The following TMPRSS15 variants were observed in gnomAD, a reference collection of about 807,000 sequenced individuals.
TMPRSS15 encodes the protein transmembrane serine protease 15.
TMPRSS15 carries 128 observed loss-of-function variants against 125.3 expected under a neutral mutation model. The observed-to-expected ratio is 1.02, with a 90% CI of 0.89 to 1.18. The LOEUF is 1.18. TMPRSS15 is among the 50% of genes most tolerant of loss of function. TMPRSS15 has a pLI of 0.00. For synonymous variants in TMPRSS15, 446 were observed against 423.2 expected (o/e 1.05, Z -0.66); for missense variants, 1,283 against 1,212.7 (o/e 1.06, Z -0.86).
At chr21:18,379,719 T>C (rs2075874941) in intron 4 of TMPRSS15, among the ~76,000 whole-genome samples, 1 of 152,070 alleles carries the variant, frequency 6.6e-6, no homozygotes, top group Non-Finnish European at 1.5e-5. Flanking sequence ...TCAGGAGGAA[T>C]TGCTTTTGAT....
intron 10 of TMPRSS15, among the ~76,000 whole-genome samples, chr21:18,344,658 C>T (rs1411965829): frequency 6.6e-6 from 1 of 152,268 alleles, no homozygotes; most frequent in Non-Finnish European, 1.5e-5. Context: ...CAAAATAGCA[C>T]AAGCCACTGC....
intron 1 of TMPRSS15, among the ~76,000 whole-genome samples, chr21:18,428,210 A>G (rs1269689818): frequency 6.6e-6 from 1 of 152,228 alleles, no homozygotes; most frequent in Non-Finnish European, 1.5e-5. Flanking sequence ...CATAATTTTA[A>G]ATTCAAATTT....
At chr21:18,412,438 G>A (rs993228687) in intron 1 of TMPRSS15, among the ~76,000 whole-genome samples, 1 of 152,106 alleles carries the variant, frequency 6.6e-6, no homozygotes, top group South Asian at 2.1e-4. Flanking sequence ...AATCCAATTA[G>A]GAGATCACCG....
At chr21:18,351,533 T>C (rs1288000334) in intron 10 of TMPRSS15, among the ~76,000 whole-genome samples, 1 of 152,146 alleles carries the variant, frequency 6.6e-6, no homozygotes, top group Non-Finnish European at 1.5e-5. Context: ...TGGTTTTATA[T>C]GTGTTTGACA....
chr21:18,274,216 G>T (rs145743566), intron 24 of TMPRSS15, among the ~76,000 whole-genome samples: 1 of 152,040 alleles, frequency 6.6e-6, no homozygotes, highest in Non-Finnish European at 1.5e-5. Context: ...GTAATTGCTC[G>T]ATGCCTTACA....
intron 16 of TMPRSS15, among the ~76,000 whole-genome samples, chr21:18,326,161 G>A (rs1185926729): frequency 6.6e-6 from 1 of 152,012 alleles, no homozygotes; most frequent in East Asian, 1.9e-4. Flanking sequence ...ATTTAACATG[G>A]CCCTCTTCAA....
chr21:18,358,306 G>A (rs2147018609), intron 8 of TMPRSS15, among the ~76,000 whole-genome samples: 1 of 151,868 alleles, frequency 6.6e-6, no homozygotes, highest in Admixed American at 6.6e-5. Context: ...TACATAATTG[G>A]TTTGGAAGAG....
chr21:18,293,459 T>C (rs1436227984), intron 21 of TMPRSS15, among the ~76,000 whole-genome samples: 1 of 152,066 alleles, frequency 6.6e-6, no homozygotes, highest in Non-Finnish European at 1.5e-5. Context: ...AGGAGATGAG[T>C]CCTAGATCAA....
intron 1 of TMPRSS15, among the ~76,000 whole-genome samples, chr21:18,410,322 G>A (rs1288783004): frequency 1.4e-5 from 2 of 147,522 alleles, no homozygotes; most frequent in Non-Finnish European, 3.0e-5. Context: ...CCACTGGGAT[G>A]CCACTGTGCT....
chr21:18,384,872 C>A (rs2075928622), intron 3 of TMPRSS15, among the ~76,000 whole-genome samples: 1 of 152,260 alleles, frequency 6.6e-6, no homozygotes. Context: ...ATTTATCTCT[C>A]CATCTATCTA....
intron 13 of TMPRSS15, among the ~76,000 whole-genome samples, chr21:18,337,147 G>A (rs950008525): frequency 6.6e-5 from 10 of 152,176 alleles, no homozygotes; most frequent in Admixed American, 1.3e-4. Context: ...GCCCCCCTCA[G>A]CCTCCCAAAG....
chr21:18,383,624 T>A lies in TMPRSS15; in HGVS notation c.496+3A>T. On this transcript the variant is annotated splice_donor_region_variant and intron_variant, in intron 4 of 24. Transcript: ENST00000284885. ...AAAGAAATCAAATAATGTTCACACA[T>A]ACCTAGGATATCAACGCTGTTCAAA... 1.9e-6 allele frequency: 3 copies of A among 1,613,470 alleles called. No homozygotes were observed. The highest frequency in any genetic ancestry group is 2.5e-6 in the Non-Finnish European group (3 of 1,179,828).
chr21:18,401,682 T>C (rs1284004385), intron 1 of TMPRSS15, among the ~76,000 whole-genome samples: 2 of 151,990 alleles, frequency 1.3e-5, no homozygotes, highest in African/African-American at 4.8e-5. Context: ...CCTCAATATA[T>C]GCAATATACC....
intron 18 of TMPRSS15, among the ~76,000 whole-genome samples, chr21:18,308,014 G>A (rs928230151): frequency 3.9e-5 from 6 of 152,236 alleles, no homozygotes; most frequent in East Asian, 1.9e-4. Flanking sequence ...GCACTTGGGC[G>A]CATCAATTGT....
At chr21:18,305,356 T>C (rs941495261) in intron 18 of TMPRSS15, among the ~76,000 whole-genome samples, 3 of 151,848 alleles carry the variant, frequency 2.0e-5, no homozygotes, top group African/African-American at 7.3e-5. Flanking sequence ...GCCCGGCTAA[T>C]TTTTTGTATT....
intron 4 of TMPRSS15, among the ~76,000 whole-genome samples, chr21:18,382,733 G>T (rs1246650242): frequency 1.3e-5 from 2 of 151,922 alleles, no homozygotes; most frequent in Non-Finnish European, 2.9e-5. Flanking sequence ...AATGTATTTG[G>T]TCCCAAGGTT....
At chr21:18,369,515 C>G (rs892768488) in intron 6 of TMPRSS15, among the ~76,000 whole-genome samples, 1 of 152,120 alleles carries the variant, frequency 6.6e-6, no homozygotes, top group African/African-American at 2.4e-5. Context: ...CAGCTATAGT[C>G]AGCTGTAAGT....
intron 1 of TMPRSS15, among the ~76,000 whole-genome samples, chr21:18,419,926 T>A (rs2076188643): frequency 1.3e-5 from 2 of 152,192 alleles, no homozygotes; most frequent in Admixed American, 6.5e-5. Context: ...AGTGAAGATA[T>A]GTGAAGGAGA....
chr21:18,467,387 C>G (rs910317692), intron 1 of TMPRSS15, among the ~76,000 whole-genome samples: 4 of 147,800 alleles, frequency 2.7e-5, no homozygotes, highest in African/African-American at 1.0e-4. Flanking sequence ...CACATGTATC[C>G]CAGAATGAAA....
Sources: allele counts gnomAD v4.1 joint callset (sites outside exome capture counted in the v4.1 genomes callset), GRCh38; gene constraint gnomAD v4.1.1; transcripts MANE v1.5; gene names NCBI Gene and HGNC (gene_info 2026-07-23, HGNC 2026-07-21).